The following MGA variants were observed in gnomAD, a reference collection of about 807,000 sequenced individuals.
MGA encodes MAX gene-associated protein.
In MGA, 40 loss-of-function variants were observed where a neutral mutation model predicts 261.1. The observed-to-expected ratio is 0.15, with a 90% CI of 0.12 to 0.20. The LOEUF (loss-of-function observed/expected upper bound fraction) is 0.20. MGA is among the 10% of genes least tolerant of loss of function. The pLI, the probability that MGA is intolerant of heterozygous loss-of-function variation, is 1.00. For synonymous variants in MGA, 1,302 were observed against 1,290.6 expected (o/e 1.01, Z -0.19); for missense variants, 3,397 against 3,630.5 (o/e 0.94, Z 1.65).
At position 41,710,746 on chromosome 15, in the gene MGA, A is replaced by G. The variant is rs765214124; in HGVS notation, c.2481A>G (p.Leu827=). 6.2e-7 allele frequency: 1 copy of G among 1,613,850 alleles called. No homozygotes were observed. Among genetic ancestry groups the G allele is most frequent in the Non-Finnish European group, 8.5e-7 (1 of 1,179,806 alleles). ...GTTCTGCTTTCTGTAGTGATAAGCT[A>G]GATGAATACTTGGAAAATGAAGGCA... The change falls in exon 8 of 24, where the codon CTA becomes CTG. Residue 827 remains leucine, a synonymous_variant. Transcript: ENST00000219905.
chr15:41,698,546 A>G (rs2059668106), intron 3 of MGA, among the ~76,000 whole-genome samples: 1 of 152,166 alleles, frequency 6.6e-6, no homozygotes, highest in South Asian at 2.1e-4. Context: ...TAGCTGAGTA[A>G]GCTATCTGAA....
intron 9 of MGA, among the ~76,000 whole-genome samples, chr15:41,723,666 C>T (rs953170004): frequency 2.6e-5 from 4 of 152,160 alleles, no homozygotes; most frequent in Non-Finnish European, 5.9e-5. Flanking sequence ...ATCCTCCCAC[C>T]TTGGCATCTG....
intron 1 of MGA, among the ~76,000 whole-genome samples, chr15:41,621,836 C>T (rs1170610474): frequency 2.6e-5 from 4 of 152,326 alleles, no homozygotes; most frequent in East Asian, 3.9e-4. Flanking sequence ...CGGGCCCTGA[C>T]GGCCTGAGCG....
chr15:41,656,365 T>TCTCTC (rs1566936563), upstream of MGA, among the ~76,000 whole-genome samples: 1 of 139,294 alleles, frequency 7.2e-6, no homozygotes, highest in Non-Finnish European at 1.6e-5. Context: ...TCTCTCTCTC[T>TCTCTC]CTCTCTCTCT....
chr15:41,693,322 C>A (rs1239485029), intron 2 of MGA, among the ~76,000 whole-genome samples: 40 of 123,632 alleles, frequency 3.2e-4, no homozygotes, highest in Non-Finnish European at 6.5e-5. Flanking sequence ...CCCCACCCCA[C>A]AACAGTCCCC....
At chr15:41,636,459 ATT>A (rs1017999541) in intron 1 of MGA, among the ~76,000 whole-genome samples, 16 of 87,372 alleles carry the variant, frequency 1.8e-4, no homozygotes, top group South Asian at 3.4e-4. Flanking sequence ...TGCTTGGCTA[ATT>A]TTTTTTTTTT....
At chr15:41,764,611 G>A (rs1338557904) in intron 22 of MGA, among the ~76,000 whole-genome samples, 2 of 152,018 alleles carry the variant, frequency 1.3e-5, no homozygotes, top group Non-Finnish European at 2.9e-5. Context: ...TGTCTCGCTT[G>A]CAGCCTTGAC....
chr15:41,693,711 G>A (rs2059408380), intron 2 of MGA, among the ~76,000 whole-genome samples: 1 of 152,174 alleles, frequency 6.6e-6, no homozygotes, highest in Non-Finnish European at 1.5e-5. Context: ...TATTGTTTAA[G>A]ATGAGGCTGA....
chr15:41,656,834 T>C (rs537637712), upstream of MGA, among the ~76,000 whole-genome samples: 1 of 152,260 alleles, frequency 6.6e-6, no homozygotes, highest in South Asian at 2.1e-4. Context: ...TGGAGTGCAG[T>C]GGCACAATCA....
At chr15:41,670,515 A>G (rs1199165736) in intron 2 of MGA, among the ~76,000 whole-genome samples, 2 of 151,814 alleles carry the variant, frequency 1.3e-5, no homozygotes, top group African/African-American at 4.8e-5. Context: ...TAAGCATACT[A>G]TTTTTTTTGA....
At chr15:41,661,920 C>T (rs1203646378) in intron 1 of MGA, among the ~76,000 whole-genome samples, 1 of 152,052 alleles carries the variant, frequency 6.6e-6, no homozygotes, top group African/African-American at 2.4e-5. Flanking sequence ...GCCGGCGGCA[C>T]GTGATCTGTC....
Position 41,669,303 on chromosome 15 carries a change from T to A in MGA, c.409T>A (p.Trp137Arg). 1 of 1,614,012 alleles carries A rather than the reference T, an allele frequency of 6.2e-7. No individual in the cohort carries two copies. The highest frequency in any genetic ancestry group is 8.5e-7 in the Non-Finnish European group (1 of 1,179,890). ...TCCTGTGGATAACCATCGTTATAAG[T>A]GGAATGGTCGTTGGTGGGAACCTAG... Residue 137 changes from tryptophan (W) to arginine (R), a missense_variant, in exon 2 of 24, where the codon TGG (tryptophan) becomes AGG (arginine). Trp to Arg is a moderately radical substitution (Grantham distance 101). Around this residue, in one of 9 missense-constraint regions of MGA, gnomAD observed 104 missense variants for 212.9 expected, o/e 0.49. Coordinates refer to ENST00000219905, the MANE Select transcript of MGA (RefSeq NM_001164273.2).
rs1411907951 is a variant in MGA, at chr15:41,669,876, A to G, written c.982A>G (p.Ile328Val). 5.6e-6 allele frequency: 9 copies of G among 1,613,924 alleles called. No individual in the cohort carries two copies. The highest frequency in any genetic ancestry group is 2.7e-5 in the African/African-American group (2 of 74,932). Residue 328 changes from isoleucine (I) to valine (V), a missense_variant, in exon 2 of 24, where the codon ATA (isoleucine) becomes GTA (valine). By Grantham distance (29) the Ile-to-Val change is conservative (BLOSUM62 3). This residue lies in a region of MGA where 563 missense variants were observed against 563.6 expected (regional missense o/e 1.00). Coordinates refer to ENST00000219905, the MANE Select transcript of MGA (RefSeq NM_001164273.2). ...GGGTTTGGAGAAGACTTCCCTTAAT[A>G]TAAAACGAGACTTTCTTGGTTTCAT... is the stretch of plus-strand genomic sequence containing the variant.
chr15:41,699,594 T>G (rs1246981948), intron 5 of MGA, among the ~76,000 whole-genome samples: 1 of 152,154 alleles, frequency 6.6e-6, no homozygotes, highest in Non-Finnish European at 1.5e-5. Context: ...CTCCGCCTCC[T>G]GGGTTCATGC....
intron 5 of MGA, among the ~76,000 whole-genome samples, chr15:41,703,054 A>G (rs2059928931): frequency 6.6e-6 from 1 of 152,222 alleles, no homozygotes; most frequent in African/African-American, 2.4e-5. Context: ...ATTACTATTT[A>G]AAGTTCATAC....
chr15:41,767,516 C>A lies in MGA; in HGVS notation c.*236C>A. 1.8e-6 allele frequency: 1 copy of A among 545,944 alleles called. No individual in the cohort carries two copies. The highest frequency in any genetic ancestry group is 3.3e-6 in the Non-Finnish European group (1 of 307,486). The allele number at this position is 545,944 out of a possible 1,614,324, so 33.8% of individuals were successfully genotyped here. ...GTGGTGCTGGGTCCCCTCATCCTCT[C>A]TAAGAAGATGTGATCCATTACTGAA... On this transcript the variant is annotated 3_prime_UTR_variant, in exon 24 of 24. Transcript: ENST00000219905.
chr15:41,640,559 G>A (rs978988676), intron 1 of MGA, among the ~76,000 whole-genome samples: 1 of 151,376 alleles, frequency 6.6e-6, no homozygotes. Context: ...TCGCTCTGTC[G>A]CCCAGGCTGG....
chr15:41,696,926 C>T lies in MGA; in HGVS notation c.1916C>T (p.Thr639Ile). ...AACACAGGAAAGTCTTTAATTTCTA[C>T]AAAGAATACACCTGTAAGCCCTGGG... The change falls in exon 3 of 24, where the codon ACA (threonine) becomes ATA (isoleucine). Residue 639 changes from threonine (T) to isoleucine (I), a missense_variant. Around this residue, in one of 9 missense-constraint regions of MGA, gnomAD observed 563 missense variants for 563.6 expected, o/e 1.00. Transcript: ENST00000219905. 1.2e-6 allele frequency: 2 copies of T among 1,602,212 alleles called. No homozygotes were observed. The highest frequency in any genetic ancestry group is 1.7e-5 in the Admixed American group (1 of 58,154).
In MGA at chr15:41,736,212, A is replaced by G. The variant is rs1288254728; in HGVS notation, c.3948A>G (p.Gly1316=). 6.3e-7 allele frequency: 1 copy of G among 1,591,706 alleles called. No individual in the cohort carries two copies. The highest frequency in any genetic ancestry group is 8.6e-7 in the Non-Finnish European group (1 of 1,168,440). ...GCTGGAAGTCTTCCTGCAATGAAGG[A>G]GAATCCTCTTCTACTTCTTATATGC... The change falls in exon 13 of 24, where the codon GGA becomes GGG. Residue 1316 remains glycine, a synonymous_variant. Coordinates refer to ENST00000219905, the MANE Select transcript of MGA (RefSeq NM_001164273.2).
Sources: gnomAD v4.1 joint callset for allele counts (sites outside exome capture counted in the v4.1 genomes callset) on GRCh38, gnomAD v4.1.1 for gene constraint, gnomAD v4.1.1 regional missense constraint, MANE v1.5 for transcripts, NCBI Gene and HGNC (gene_info 2026-07-23, HGNC 2026-07-21) for gene names.